The following AHCYL2 variants were observed in gnomAD, a reference collection of about 807,000 sequenced individuals.
AHCYL2 encodes the protein adenosylhomocysteinase like 2.
Under a neutral mutation model 81.4 loss-of-function variants are expected in AHCYL2, and 28 were observed. The ratio of observed to expected loss-of-function variants is 0.34; its 90% confidence interval spans 0.25 to 0.47. The LOEUF (loss-of-function observed/expected upper bound fraction) is 0.47, where lower values mean the gene tolerates loss of function less well. Ranked by LOEUF, AHCYL2 falls within the 20% of genes least tolerant of loss-of-function variation. The pLI, the probability that AHCYL2 is intolerant of heterozygous loss-of-function variation, is 1.00. For missense variants in AHCYL2, 551 were observed against 785.1 expected (o/e 0.70, Z 3.56); for synonymous variants, 272 against 290.2 (o/e 0.94, Z 0.64).
chr7:129,292,239 T>C lies in AHCYL2; in HGVS notation c.363+66800T>C, dbSNP rs561804795. Among the ~76,000 whole-genome samples the C allele has an allele frequency of 1.1e-4, 16 of 152,300 alleles. No homozygotes were observed. The East Asian group carries it at 2.7e-3, about 26-fold the overall frequency. On this transcript the variant is annotated intron_variant, in intron 1 of 16. Coordinates refer to ENST00000325006, the MANE Select transcript of AHCYL2 (RefSeq NM_015328.4). ...GGTTCATAACATTCTCATACATGAG[T>C]CCTAAAGAGGCAGCCATCCTAGTTT...
intron 1 of AHCYL2, among the ~76,000 whole-genome samples, chr7:129,269,782 T>C (rs892782790): frequency 6.6e-6 from 1 of 152,204 alleles, no homozygotes; most frequent in African/African-American, 2.4e-5. Flanking sequence ...ACAGTGTCTA[T>C]AGATTGATAA....
intron 1 of AHCYL2, chr7:129,377,693 A>G (rs1794754679): frequency 2.2e-6 from 1 of 446,712 alleles, no homozygotes; most frequent in South Asian, 1.6e-5. Context: ...GATCCAGAAT[A>G]GGCAATTATA....
chr7:129,274,351 C>T (rs965024625), intron 1 of AHCYL2, among the ~76,000 whole-genome samples: 8 of 152,156 alleles, frequency 5.3e-5, no homozygotes, highest in African/African-American at 1.9e-4. Context: ...ACATCTGGAC[C>T]TGATTTAGAT....
At chr7:129,399,275 C>G (rs1795907541) in intron 5 of AHCYL2, among the ~76,000 whole-genome samples, 1 of 150,344 alleles carries the variant, frequency 6.7e-6, no homozygotes, top group Non-Finnish European at 1.5e-5. Context: ...GGTGAAACCC[C>G]GTCTTTACTA....
At chr7:129,245,568 C>T (rs945416007) in intron 1 of AHCYL2, among the ~76,000 whole-genome samples, 2 of 124,936 alleles carry the variant, frequency 1.6e-5, no homozygotes, top group Non-Finnish European at 3.8e-5. Context: ...ATGAATTTGA[C>T]TTCTCTAGGT....
intron 15 of AHCYL2, among the ~76,000 whole-genome samples, chr7:129,425,668 A>G (rs1313671962): frequency 1.3e-5 from 2 of 152,246 alleles, no homozygotes; most frequent in African/African-American, 4.8e-5. Context: ...TTAAATTTTT[A>G]AAGAGCCTGC....
In AHCYL2 at chr7:129,428,597, G is replaced by A. The variant is rs981774002; in HGVS notation, c.*1552G>A. Reference sequence around the variant, plus strand: ...TGCCTCAAAGTCTCAAGACCAAGGTGACTCAAGATAACACCAGACCACGCA... The same window carrying A: ...TGCCTCAAAGTCTCAAGACCAAGGTAACTCAAGATAACACCAGACCACGCA... On this transcript the variant is annotated 3_prime_UTR_variant, in exon 17 of 17. Coordinates refer to ENST00000325006, the MANE Select transcript of AHCYL2 (RefSeq NM_015328.4). The A allele has an allele frequency of 6.6e-6, 1 of 152,190 alleles. No homozygotes were observed. The highest frequency in any genetic ancestry group is 2.1e-4 in the South Asian group (1 of 4,830). 9.4% of individuals were successfully genotyped at this position (152,190 alleles called of 1,614,324 possible).
At chr7:129,230,290 G>C (rs1311134761) in intron 1 of AHCYL2, among the ~76,000 whole-genome samples, 1 of 151,548 alleles carries the variant, frequency 6.6e-6, no homozygotes, top group Non-Finnish European at 1.5e-5. Flanking sequence ...CACCAAGTTA[G>C]CCAGGGTGGT....
rs185266867 is a variant in AHCYL2, at chr7:129,310,097, C to T, written c.364-69541C>T. On this transcript the variant is annotated intron_variant, in intron 1 of 16. Transcript: ENST00000325006. ...GTGACATCTGTCTAAATATATGATT[C>T]TTGATACCATCTCATCCACCTCCTT... 3.3e-5 allele frequency among the ~76,000 whole-genome samples: 5 copies of T among 152,148 alleles called. No individual in the cohort carries two copies. The East Asian group carries it at 9.7e-4, about 29-fold the overall frequency.
chr7:129,266,391 G>A (rs1795812320), intron 1 of AHCYL2, among the ~76,000 whole-genome samples: 1 of 152,186 alleles, frequency 6.6e-6, no homozygotes. Flanking sequence ...GCTGGGCGTG[G>A]TGGCTCACGC....
chr7:129,228,545 A>G (rs1165541807), intron 1 of AHCYL2, among the ~76,000 whole-genome samples: 1 of 152,218 alleles, frequency 6.6e-6, no homozygotes, highest in African/African-American at 2.4e-5. Context: ...AAATCTCTAT[A>G]AGAAGTAATT....
chr7:129,349,807 A>G (rs942007280), intron 1 of AHCYL2, among the ~76,000 whole-genome samples: 1 of 152,270 alleles, frequency 6.6e-6, no homozygotes, highest in East Asian at 1.9e-4. Context: ...AACCTCTCCC[A>G]TCTCAAGGTC....
chr7:129,270,269 C>T (rs1272363137), intron 1 of AHCYL2, among the ~76,000 whole-genome samples: 1 of 152,142 alleles, frequency 6.6e-6, no homozygotes, highest in Non-Finnish European at 1.5e-5. Context: ...GCTTGATTGG[C>T]GTCCTCTTCT....
chr7:129,276,736 CAAAAAAA>C (rs374792572), intron 1 of AHCYL2, among the ~76,000 whole-genome samples: 1 of 125,026 alleles, frequency 8.0e-6, no homozygotes, highest in Non-Finnish European at 1.6e-5. Flanking sequence ...GCAACTGTCT[CAAAAAAA>C]AAAAAAAAGA....
intron 2 of AHCYL2, 109 bp from the exon 3 acceptor site, chr7:129,388,947 A>C (rs1391791278): frequency 1.9e-5 from 26 of 1,357,490 alleles, no homozygotes; most frequent in Non-Finnish European, 2.5e-5. Context: ...AGAGGTAAAA[A>C]AATTTATATG....
Position 129,398,248 on chromosome 7 carries a change from T to C in AHCYL2, c.823+924T>C, listed in dbSNP as rs754723700. ...CTGGTCTCAAACAGCCAGCCTCAAG[T>C]GATCCTCCTGCCTCATCCTCCCAAA... is the stretch of plus-strand genomic sequence containing the variant. On this transcript the variant is annotated intron_variant, in intron 5 of 16. Coordinates refer to ENST00000325006, the MANE Select transcript of AHCYL2 (RefSeq NM_015328.4). 3.6e-4 allele frequency among the ~76,000 whole-genome samples: 55 copies of C among 152,100 alleles called. No homozygotes were observed. In the Middle Eastern group the frequency reaches 0.014, roughly 38 times the overall value.
At chr7:129,380,695 A>G (rs1012834486) in intron 2 of AHCYL2, among the ~76,000 whole-genome samples, 1 of 152,110 alleles carries the variant, frequency 6.6e-6, no homozygotes, top group East Asian at 1.9e-4. Flanking sequence ...ATCACTTCCT[A>G]TGGATTTTTA....
rs182261295 is a variant in AHCYL2 at position 129,427,698 on chromosome 7, C to T, written c.*653C>T. On this transcript the variant is annotated 3_prime_UTR_variant, in exon 17 of 17. Coordinates refer to ENST00000325006, the MANE Select transcript of AHCYL2 (RefSeq NM_015328.4). This position sits in a 1 kb window ranked among gnomAD's most constrained non-coding sequence, Gnocchi z 5.5. ...AATATTTATGTCCATTTTAACACTT[C>T]CTGGTTGCAAGAGGGATGTGCCTCC... The T allele has an allele frequency of 3.7e-4, 56 of 152,760 alleles. No individual in the cohort carries two copies. The highest frequency in any genetic ancestry group is 1.1e-3 in the African/African-American group (47 of 41,562). The allele number at this position is 152,760 out of a possible 1,614,324, so 9.5% of individuals were successfully genotyped here.
chr7:129,341,054 C>G (rs1793162065), intron 1 of AHCYL2, among the ~76,000 whole-genome samples: 1 of 152,164 alleles, frequency 6.6e-6, no homozygotes, highest in Non-Finnish European at 1.5e-5. Context: ...GCAAATTATA[C>G]TGACAAAAGA....
Sources: gnomAD v4.1 joint callset for allele counts (sites outside exome capture counted in the v4.1 genomes callset) on GRCh38, gnomAD v4.1.1 for gene constraint, Gnocchi (gnomAD v3.1) non-coding constraint, MANE v1.5 for transcripts, NCBI Gene and HGNC (gene_info 2026-07-23, HGNC 2026-07-21) for gene names.